NXPE2: variants seen among roughly 807,000 people sequenced by gnomAD.
NXPE2 encodes NXPE family member 2.
In NXPE2, 34 loss-of-function variants were observed where a neutral mutation model predicts 34.4. That is an observed-to-expected ratio of 0.99 (90% CI 0.75 to 1.31). The LOEUF is 1.31. NXPE2 is among the 40% of genes most tolerant of loss of function. The pLI is 0.00. For synonymous variants in NXPE2, 235 were observed against 231.3 expected (o/e 1.02, Z -0.15); for missense variants, 649 against 672.5 (o/e 0.97, Z 0.39).
the NXPE2 span, among the ~76,000 whole-genome samples, chr11:114,553,047 C>T: frequency 6.6e-6 from 1 of 152,176 alleles, no homozygotes; most frequent in Non-Finnish European, 1.5e-5. Context: ...TTACCTCCTC[C>T]CTCACTGCAC....
chr11:114,742,491 G>A, the NXPE2 span, among the ~76,000 whole-genome samples: 2 of 152,164 alleles, frequency 1.3e-5, 1 homozygote, highest in South Asian at 4.1e-4. Context: ...GCTCACTCAT[G>A]CCCCTCTCAC....
chr11:114,714,931 A>G, the NXPE2 span, among the ~76,000 whole-genome samples: 1 of 152,256 alleles, frequency 6.6e-6, no homozygotes, highest in African/African-American at 2.4e-5. Flanking sequence ...CTGAGGCAGA[A>G]GAATTGCTTA....
At chr11:114,663,984 A>G in the NXPE2 span, among the ~76,000 whole-genome samples, 4 of 152,164 alleles carry the variant, frequency 2.6e-5, no homozygotes, top group African/African-American at 7.2e-5. Context: ...AAACAGTTTG[A>G]CAGTTTCTTA....
the NXPE2 span, among the ~76,000 whole-genome samples, chr11:114,719,758 T>C: frequency 6.6e-6 from 1 of 152,220 alleles, no homozygotes; most frequent in East Asian, 1.9e-4. Flanking sequence ...CCTGGTCGTG[T>C]TTAGAGGCTG....
At chr11:114,812,658 G>T in the NXPE2 span, among the ~76,000 whole-genome samples, 1 of 152,140 alleles carries the variant, frequency 6.6e-6, no homozygotes, top group Non-Finnish European at 1.5e-5. Flanking sequence ...ACCCTTGAGA[G>T]AATCACCTTT....
At chr11:114,736,171 G>A in the NXPE2 span, among the ~76,000 whole-genome samples, 5,937 of 152,250 alleles carry the variant, frequency 0.039, 165 homozygotes, top group Middle Eastern at 0.092. Flanking sequence ...TGCTAATGAA[G>A]TTTTTGACAC....
the NXPE2 span, among the ~76,000 whole-genome samples, chr11:114,633,696 T>C: frequency 6.7e-6 from 1 of 149,608 alleles, no homozygotes; most frequent in Non-Finnish European, 1.5e-5. Context: ...TTCCCACCTA[T>C]GAGTGAGAAC....
intron 2 of NXPE2, among the ~76,000 whole-genome samples, chr11:114,690,403 A>C (rs1405083957): frequency 6.6e-6 from 1 of 152,104 alleles, no homozygotes; most frequent in Non-Finnish European, 1.5e-5. Flanking sequence ...TCTTTTCTTT[A>C]AGAATGCTAA....
the NXPE2 span, among the ~76,000 whole-genome samples, chr11:114,610,273 C>CTCATGGGTAACGACTGT: frequency 2.6e-5 from 4 of 151,182 alleles, no homozygotes; most frequent in African/African-American, 9.7e-5. Context: ...TAGGTGTTGC[C>CTCATGGGTAACGACTGT]TACCCGGTGG....
chr11:114,523,181 C>T, the NXPE2 span: 2 of 917,010 alleles, frequency 2.2e-6, no homozygotes, highest in South Asian at 1.5e-5. Flanking sequence ...TGCTCTCTTT[C>T]CCCCTTCCTG....
the NXPE2 span, among the ~76,000 whole-genome samples, chr11:114,574,599 G>C: frequency 6.6e-6 from 1 of 151,962 alleles, no homozygotes; most frequent in Non-Finnish European, 1.5e-5. Context: ...AGAAAACCTA[G>C]AGGGGATAAA....
the NXPE2 span, among the ~76,000 whole-genome samples, chr11:114,632,326 G>A: frequency 4.6e-5 from 6 of 131,226 alleles, no homozygotes; most frequent in Non-Finnish European, 9.4e-5. Flanking sequence ...ATTATCCACT[G>A]GGTAACATAA....
At chr11:114,704,700 G>C (rs929973473) in intron 4 of NXPE2, among the ~76,000 whole-genome samples, 5 of 152,138 alleles carry the variant, frequency 3.3e-5, no homozygotes, top group African/African-American at 1.2e-4. Context: ...AGGTCCTACT[G>C]TACAAAGAAA....
intron 2 of NXPE2, among the ~76,000 whole-genome samples, chr11:114,696,345 A>AC (rs1565386541): frequency 6.8e-6 from 1 of 147,820 alleles, no homozygotes; most frequent in East Asian, 2.0e-4. Context: ...AAAACCAAAA[A>AC]AAAAAAAAAA....
Position 114,706,911 on chromosome 11 carries a change from T to C in NXPE2, c.1661T>C (p.Phe554Ser). ...DYVIQNQIGM[F>S]LNYIC ...GTGATTCAAAATCAGATTGGCATGTTCTTAAACTACATTTGTTAGAGGAAA... is the reference window on the plus strand; with the variant it reads ...GTGATTCAAAATCAGATTGGCATGTCCTTAAACTACATTTGTTAGAGGAAA... Residue 554 changes from phenylalanine to serine, a missense_variant, in exon 6 of 6, where the codon TTC becomes TCC. Physicochemically the swap from Phe to Ser is radical, Grantham distance 155 (BLOSUM62 -2). Coordinates refer to ENST00000389586, the MANE Select transcript of NXPE2 (RefSeq NM_182495.6). 63 of 1,547,490 alleles carry C rather than the reference T, an allele frequency of 4.1e-5. No homozygotes were observed. The highest frequency in any genetic ancestry group is 5.4e-5 in the Non-Finnish European group (62 of 1,143,724).
the NXPE2 span, among the ~76,000 whole-genome samples, chr11:114,769,452 C>T: frequency 6.6e-6 from 1 of 152,160 alleles, no homozygotes; most frequent in African/African-American, 2.4e-5. Context: ...CCAGCAATCC[C>T]ATTACTGGGT....
chr11:114,768,110 GTTTCAGT>G, the NXPE2 span, among the ~76,000 whole-genome samples: 48,152 of 151,796 alleles, frequency 0.32, 8,338 homozygotes, highest in East Asian at 0.43. Flanking sequence ...AAGGGGTCCA[GTTTCAGT>G]TTTCTGCATA....
At chr11:114,696,056 G>T (rs1031286366) in intron 2 of NXPE2, among the ~76,000 whole-genome samples, 1 of 151,632 alleles carries the variant, frequency 6.6e-6, no homozygotes, top group Non-Finnish European at 1.5e-5. Flanking sequence ...AAGAAATCAG[G>T]CTGAGCTCAG....
the NXPE2 span, among the ~76,000 whole-genome samples, chr11:114,650,787 GACTC>G: frequency 2.0e-4 from 30 of 152,214 alleles, no homozygotes; most frequent in East Asian, 3.9e-4. Flanking sequence ...ACTCTGGAAA[GACTC>G]TCTCTAAGTT....
Sources: allele counts gnomAD v4.1 joint callset (sites outside exome capture counted in the v4.1 genomes callset), GRCh38; gene constraint gnomAD v4.1.1; transcripts MANE v1.5; gene names NCBI Gene and HGNC (gene_info 2026-07-23, HGNC 2026-07-21).